The following ALOX12 variants were observed in gnomAD, a reference collection of about 807,000 sequenced individuals.
ALOX12 encodes the protein polyunsaturated fatty acid lipoxygenase ALOX12.
A neutral mutation model predicts 85.5 loss-of-function variants in ALOX12; 62 were observed. The observed-to-expected ratio is 0.73, with a 90% CI of 0.59 to 0.90. The LOEUF (loss-of-function observed/expected upper bound fraction) is 0.90. Ranked by LOEUF, ALOX12 falls within the 40% of genes least tolerant of loss-of-function variation. The pLI is 0.00. For missense variants in ALOX12, 751 were observed against 856.5 expected, an observed-to-expected ratio of 0.88 and a Z score of 1.54; for synonymous variants, 299 against 332.7, an observed-to-expected ratio of 0.90 and a Z score of 1.10.
intron 8 of ALOX12, chr17:7,002,433 C>G: frequency 2.2e-6 from 1 of 463,058 alleles, no homozygotes; most frequent in South Asian, 1.6e-5. Context: ...AGCCAGAAGT[C>G]CAAGCTTCTG....
chr17:6,998,922 C>T (rs746498587), intron 4 of ALOX12, 31 bp from the exon 5 acceptor site: 7 of 1,613,958 alleles, frequency 4.3e-6, no homozygotes, highest in Non-Finnish European at 5.9e-6. Flanking sequence ...GAGGGATCAG[C>T]TGATGAGTTA....
intron 10 of ALOX12, among the ~76,000 whole-genome samples, 194 bp downstream of exon 10, chr17:7,006,221 G>GT (rs1909063999): frequency 6.6e-6 from 1 of 151,422 alleles, no homozygotes; most frequent in South Asian, 2.1e-4. Flanking sequence ...GAGAGAGGAG[G>GT]TGAGGGGAGC....
In ALOX12 at chr17:6,996,832, G is replaced by T; in HGVS notation, c.142G>T (p.Glu48Ter). 3.1e-6 allele frequency: 5 copies of T among 1,612,514 alleles called. No individual in the cohort carries two copies. Among genetic ancestry groups the T allele is most frequent in the Non-Finnish European group, 4.2e-6 (5 of 1,178,766 alleles). ...CTGGGTCCGGCCTGCACAGGAGGAG[G>T]AGTTTGATCATGACGTTGCAGAGGA... ...QLRPARGEEE[E>*]FDHDVAEDLG... The change falls in exon 2 of 14, where the codon GAG becomes TAG. Residue 48 changes from glutamate (E) to a stop codon, truncating the protein, a stop_gained. Transcript: ENST00000251535. LOFTEE classifies it high-confidence loss of function.
intron 8 of ALOX12, among the ~76,000 whole-genome samples, chr17:7,003,974 A>C (rs1908844812): frequency 6.6e-6 from 1 of 152,068 alleles, no homozygotes; most frequent in South Asian, 2.1e-4. Flanking sequence ...GTGGAAAGGA[A>C]GACAAACAGT....
At chr17:7,005,232 C>A in intron 8 of ALOX12, 25 bp from the exon 9 acceptor site, 2 of 1,599,752 alleles carry the variant, frequency 1.3e-6, no homozygotes, top group Non-Finnish European at 1.7e-6. Context: ...CCACCAGTCA[C>A]GCCCTCCAAT....
chr17:7,002,190 A>T (rs911119482), intron 8 of ALOX12: 16 of 340,562 alleles, frequency 4.7e-5, no homozygotes, highest in Non-Finnish European at 7.3e-5. Flanking sequence ...GGGACAGCCT[A>T]TAACAGTATA....
At chr17:7,004,170 T>A (rs1040098989) in intron 8 of ALOX12, among the ~76,000 whole-genome samples, 3 of 145,458 alleles carry the variant, frequency 2.1e-5, no homozygotes, top group South Asian at 2.1e-4. Flanking sequence ...ATTTAAAATT[T>A]AAATTTAATT....
In ALOX12 at chr17:6,998,598, C is replaced by T; in HGVS notation, c.419+8C>T. 1 of 1,612,350 alleles carries T rather than the reference C, an allele frequency of 6.2e-7. No homozygotes were observed. The highest frequency in any genetic ancestry group is 8.5e-7 in the Non-Finnish European group (1 of 1,178,582). On this transcript the variant is annotated splice_region_variant and intron_variant, in intron 3 of 13. Transcript: ENST00000251535. Reference sequence around the variant, plus strand: ...CAGACAGCAGATCTACTGGTGACCACCCACCCCTTAAACTAACCCCGCCAC... The same window carrying T: ...CAGACAGCAGATCTACTGGTGACCATCCACCCCTTAAACTAACCCCGCCAC...
Position 6,996,941 on chromosome 17 carries a change from A to G in ALOX12, c.251A>G (p.Gln84Arg). The G allele has an allele frequency of 6.2e-7, 1 of 1,603,672 alleles. No individual in the cohort carries two copies. Among genetic ancestry groups the G allele is most frequent in the Non-Finnish European group, 8.5e-7 (1 of 1,175,088 alleles). The change falls in exon 2 of 14, where the codon CAG becomes CGG. Residue 84 changes from glutamine to arginine, a missense_variant. Transcript: ENST00000251535. ...TGGTTCTGCGACCGCATCACGGTGC[A>G]GGGCCCTGGAGCCTGCGCGGAGGTG... ...DAWFCDRITVQGPGACAEVAF... is the reference protein window; with the variant it reads ...DAWFCDRITVRGPGACAEVAF...
Position 6,996,160 on chromosome 17 carries a change from TTCTCCGGG to T in ALOX12, c.46_53del (p.Ser16ValfsTer32), listed in dbSNP as rs1239524499. On this transcript the variant is annotated frameshift_variant, in exon 1 of 14. Coordinates refer to ENST00000251535, the MANE Select transcript of ALOX12 (RefSeq NM_000697.3). LOFTEE classifies it high-confidence loss of function. ...CCGCGTGGCCACCGGGGCCTGGCTC[TTCTCCGGG>T]TCGTACAACCGCGTGCAGCTTTGGC... 2 of 1,253,450 alleles carry T rather than the reference TTCTCCGGG, an allele frequency of 1.6e-6. No homozygotes were observed. The highest frequency in any genetic ancestry group is 3.1e-5 in the African/African-American group (2 of 64,492). 77.6% of individuals were successfully genotyped at this position (1,253,450 alleles called of 1,614,324 possible).
rs759661469 is a variant in ALOX12 at position 7,010,435 on chromosome 17, A to T, written c.*12A>T. 6.2e-7 allele frequency: 1 copy of T among 1,604,672 alleles called. No homozygotes were observed. The highest frequency in any genetic ancestry group is 1.1e-5 in the South Asian group (1 of 89,916). ...GTGTCACCATCTGAGCCCTAGAGTG[A>T]CTCTACCTGCAAGATTTCACATCAG... is the stretch of plus-strand genomic sequence containing the variant. On this transcript the variant is annotated 3_prime_UTR_variant, in exon 14 of 14. Transcript: ENST00000251535.
Position 6,999,027 on chromosome 17 carries a change from T to A in ALOX12, c.617T>A (p.Ile206Asn). The change falls in exon 5 of 14, where the codon ATC becomes AAC. Residue 206 changes from isoleucine (I) to asparagine (N), a missense_variant. Coordinates refer to ENST00000251535, the MANE Select transcript of ALOX12 (RefSeq NM_000697.3). ...AACTGCCTAGAAGACTTTGATCAGA[T>A]CTTCTGGGGCCAGAAGAGTGCCCTG... ...SWNCLEDFDQIFWGQKSALAE... is the reference protein window; with the variant it reads ...SWNCLEDFDQNFWGQKSALAE... 1 of 1,613,950 alleles carries A rather than the reference T, an allele frequency of 6.2e-7. No homozygotes were observed. Among genetic ancestry groups the A allele is most frequent in the African/African-American group, 1.3e-5 (1 of 74,998 alleles).
At chr17:7,001,434 CAGGGCACTCCAGCTAGCG>C (rs1204645468) in intron 7 of ALOX12, 150 bp from the exon 8 acceptor site, 2 of 690,086 alleles carry the variant, frequency 2.9e-6, no homozygotes, top group East Asian at 2.6e-5. Flanking sequence ...CACCTGACAT[CAGGGCACTCCAGCTAGCG>C]AGCGGCAGGC....
chr17:7,005,615 G>A (rs1487120155), intron 9 of ALOX12, among the ~76,000 whole-genome samples: 1 of 151,444 alleles, frequency 6.6e-6, no homozygotes, highest in Non-Finnish European at 1.5e-5. Flanking sequence ...CGAGTAGCTG[G>A]GATTACAGGC....
chr17:6,999,519 A>G, intron 6 of ALOX12, 53 bp downstream of exon 6: 1 of 1,589,650 alleles, frequency 6.3e-7, no homozygotes, highest in Non-Finnish European at 8.6e-7. Context: ...GTGTGGTGAG[A>G]ACGGACAGAG....
In ALOX12 at chr17:6,999,198, C is replaced by T. The variant is rs1567717404; in HGVS notation, c.647-108C>T. ...CAGAGAGGCCTTGAGAATGAAAACG[C>T]AGAAGCTGGGTTCAGGGAGGGTTAT... On this transcript the variant is annotated intron_variant, in intron 5 of 13. Transcript: ENST00000251535. 3.3e-6 allele frequency: 5 copies of T among 1,520,898 alleles called. No homozygotes were observed. In the East Asian group the frequency reaches 1.1e-4, roughly 34 times the overall value. The allele number at this position is 1,520,898 out of a possible 1,614,324, so 94.2% of individuals were successfully genotyped here.
intron 9 of ALOX12, 129 bp downstream of exon 9, chr17:7,005,472 G>GTTTTTTTT (rs1908990212): frequency 3.1e-6 from 1 of 321,694 alleles, no homozygotes; most frequent in African/African-American, 3.2e-5. Context: ...TTATACCCAT[G>GTTTTTTTT]TCTTTTTTTT....
rs371090758 is a variant in ALOX12 at position 6,999,390 on chromosome 17, C to T, written c.731C>T (p.Ser244Leu). 4 of 1,614,196 alleles carry T rather than the reference C, an allele frequency of 2.5e-6. No homozygotes were observed. The highest frequency in any genetic ancestry group is 3.4e-6 in the Non-Finnish European group (4 of 1,180,030). ...GCCAACCCCATGCTGTTGAGACGCTCGACCTCTCTGCCCTCCAGGCTAGTG... is the reference window on the plus strand; with the variant it reads ...GCCAACCCCATGCTGTTGAGACGCTTGACCTCTCTGCCCTCCAGGCTAGTG... ...NGANPMLLRR[S>L]TSLPSRLVLP... is the part of the protein sequence containing the mutation. Residue 244 changes from serine (S) to leucine (L), a missense_variant, in exon 6 of 14, where the codon TCG becomes TTG. Transcript: ENST00000251535.
chr17:7,010,313 C>CG lies in ALOX12; in HGVS notation c.1883dup (p.Thr629AsnfsTer15). On this transcript the variant is annotated frameshift_variant, in exon 14 of 14. Coordinates refer to ENST00000251535, the MANE Select transcript of ALOX12 (RefSeq NM_000697.3). LOFTEE classifies it high-confidence loss of function. The stretch of plus-strand genomic sequence containing the variant: ...GCCCAAAGCTGTGCTAAACCAATTC[C>CG]GAACAGATTTGGAAAAGCTGGAAAA... 6.2e-7 allele frequency: 1 copy of CG among 1,614,170 alleles called. No homozygotes were observed. The highest frequency in any genetic ancestry group is 8.5e-7 in the Non-Finnish European group (1 of 1,180,048).
Sources: gnomAD v4.1 joint callset for allele counts (sites outside exome capture counted in the v4.1 genomes callset) on GRCh38, gnomAD v4.1.1 for gene constraint, MANE v1.5 for transcripts, NCBI Gene and HGNC (gene_info 2026-07-23, HGNC 2026-07-21) for gene names.